PI4KA: variants seen among roughly 807,000 people sequenced by gnomAD.
PI4KA encodes PI4-kinase alpha.
In PI4KA, 122 loss-of-function variants were observed where a neutral mutation model predicts 271.4. That is an observed-to-expected ratio of 0.45 (90% CI 0.39 to 0.52). The LOEUF (loss-of-function observed/expected upper bound fraction) is 0.52, where lower values mean the gene tolerates loss of function less well. Among genes scored for constraint, PI4KA ranks in the 20% least tolerant of loss-of-function variants. The pLI is 0.00. For synonymous variants in PI4KA, 1,041 were observed against 1,078.8 expected (o/e 0.96, Z 0.69); for missense variants, 1,969 against 2,769.1 (o/e 0.71, Z 6.48).
chr22:20,770,782 T>C (rs1175424862), intron 19 of PI4KA, among the ~76,000 whole-genome samples: 1 of 152,114 alleles, frequency 6.6e-6, no homozygotes, highest in Non-Finnish European at 1.5e-5. Flanking sequence ...GAAAAAGTTT[T>C]CCAAACTTTA....
chr22:20,839,284 GT>G (rs960756209), intron 1 of PI4KA, among the ~76,000 whole-genome samples: 17 of 151,990 alleles, frequency 1.1e-4, no homozygotes, highest in Admixed American at 1.0e-3. Context: ...ATAAGTCATA[GT>G]TTTTTTTCAG....
intron 7 of PI4KA, among the ~76,000 whole-genome samples, chr22:20,815,005 T>A (rs1921587152): frequency 6.6e-6 from 1 of 151,846 alleles, no homozygotes; most frequent in Admixed American, 6.6e-5. Context: ...TAAATAAAAT[T>A]ATTTTAAATT....
rs1922517737 is a variant in PI4KA at position 20,820,574 on chromosome 22, A to G, written c.494T>C (p.Leu165Ser). ...AATCTCCAAGGCCTGGCACATCCCC[A>G]AGAGGACATGCAAAACCTGCAAAAG... is the stretch of plus-strand genomic sequence containing the variant. ...EVLLQVLHVL[L>S]GMCQALEIQD... The change falls in exon 5 of 55, where the codon TTG becomes TCG. Residue 165 changes from leucine (L) to serine (S), a missense_variant. Coordinates refer to ENST00000255882, the MANE Select transcript of PI4KA (RefSeq NM_058004.4). 1 of 1,612,354 alleles carries G rather than the reference A, an allele frequency of 6.2e-7. No individual in the cohort carries two copies. The highest frequency in any genetic ancestry group is 8.5e-7 in the Non-Finnish European group (1 of 1,178,742).
At chr22:20,786,886 A>T (rs141717277) in intron 19 of PI4KA, 4 of 1,614,178 alleles carry the variant, frequency 2.5e-6, no homozygotes, top group Non-Finnish European at 3.4e-6. Flanking sequence ...TCAAGCACCA[A>T]GGCACGATCA....
chr22:20,856,437 CTT>C (rs362093), intron 1 of PI4KA, among the ~76,000 whole-genome samples: 569 of 136,864 alleles, frequency 4.2e-3, no homozygotes, highest in African/African-American at 0.011. Context: ...TAATCTTTTT[CTT>C]TTTTTTTTTT....
At chr22:20,716,056 G>T (rs1005816548) in intron 45 of PI4KA, among the ~76,000 whole-genome samples, 17 of 145,608 alleles carry the variant, frequency 1.2e-4, no homozygotes, top group Non-Finnish European at 2.1e-4. Flanking sequence ...TGCCTGGTTA[G>T]TTTTTTTTTT....
At chr22:20,760,940 A>G (rs1478499429) in intron 23 of PI4KA, among the ~76,000 whole-genome samples, 10 of 152,196 alleles carry the variant, frequency 6.6e-5, no homozygotes. Flanking sequence ...TTGGGACTAC[A>G]GGCACAAACT....
At chr22:20,711,660 C>T (rs1411281063) in intron 50 of PI4KA, among the ~76,000 whole-genome samples, 199 bp from the exon 51 acceptor site, 1 of 152,186 alleles carries the variant, frequency 6.6e-6, no homozygotes, top group African/African-American at 2.4e-5. Flanking sequence ...CGTGCAGGCA[C>T]TTCCTCCCAC....
rs189388424 is a variant in PI4KA, at chr22:20,749,862, T to C, written c.3243+43A>G. The C allele has an allele frequency of 8.3e-3, 10,288 of 1,239,898 alleles. 62 individuals carry two copies. The highest frequency in any genetic ancestry group is 0.01 in the Non-Finnish European group (8,782 of 839,534). 76.8% of individuals were successfully genotyped at this position (1,239,898 alleles called of 1,614,324 possible). ...GTCTCTGTAAAGCTTTTTTGGGAGT[T>C]TGAAGGAGCTTATGGCAATTGCCTT... On this transcript the variant is annotated intron_variant, in intron 28 of 54. Transcript: ENST00000255882.
At position 20,845,980 on chromosome 22, in the gene PI4KA, G is replaced by A. The variant is rs117055879; in HGVS notation, c.157-7249C>T. On this transcript the variant is annotated intron_variant, in intron 1 of 54. Transcript: ENST00000255882. ...CAAGATTAAGATACGAAAATCAGCC[G>A]GGCGCTGTGGCTCACGCCTGTAATC... Among the ~76,000 whole-genome samples the A allele has an allele frequency of 1.6e-3, 241 of 152,246 alleles. 1 individual carries two copies. The highest frequency in any genetic ancestry group is 0.015 in the East Asian group (76 of 5,182).
chr22:20,785,464 T>C (rs1934145317), intron 19 of PI4KA, among the ~76,000 whole-genome samples: 2 of 152,180 alleles, frequency 1.3e-5, no homozygotes, highest in South Asian at 4.1e-4. Flanking sequence ...CCAGCTGGGA[T>C]TGCACCTTAA....
chr22:20,807,534 C>A, intron 9 of PI4KA, 76 bp from the exon 10 acceptor site: 1 of 790,644 alleles, frequency 1.3e-6, no homozygotes. Flanking sequence ...ACAGCAAGGC[C>A]CAGCGGAATG....
In PI4KA at chr22:20,809,295, G is replaced by C. The variant is rs915591515; in HGVS notation, c.1071+1672C>G. Among the ~76,000 whole-genome samples, 3 of 152,046 alleles carry C rather than the reference G, an allele frequency of 2.0e-5. No homozygotes were observed. The East Asian group carries it at 5.8e-4, about 29-fold the overall frequency. On this transcript the variant is annotated intron_variant, in intron 9 of 54. Coordinates refer to ENST00000255882, the MANE Select transcript of PI4KA (RefSeq NM_058004.4). The stretch of plus-strand genomic sequence containing the variant: ...CTCAGTTTCCCCATATGTAAACTGG[G>C]GATTGTTGTGAGATTCAAGGAGTGA...
intron 1 of PI4KA, among the ~76,000 whole-genome samples, chr22:20,848,090 T>C (rs1926494087): frequency 6.6e-6 from 1 of 151,826 alleles, no homozygotes; most frequent in Non-Finnish European, 1.5e-5. Flanking sequence ...ATACAAAAAT[T>C]AGCCGGGCAT....
chr22:20,812,573 G>T (rs931354187), intron 8 of PI4KA, among the ~76,000 whole-genome samples: 4 of 151,920 alleles, frequency 2.6e-5, no homozygotes, highest in African/African-American at 9.7e-5. Flanking sequence ...AATTTTTTTT[G>T]AGATGGAGTC....
chr22:20,796,195 TC>T lies in PI4KA; in HGVS notation c.2227del (p.Glu743ArgfsTer16). ...TGCCCTCTCGCTGGCTCGCTTCCCCTCCAGCCCCAGCTGCACAAACAACTCC... is the reference window on the plus strand; with the variant it reads ...TGCCCTCTCGCTGGCTCGCTTCCCCTCAGCCCCAGCTGCACAAACAACTCC... ...LLELFVQLGLEGKRASERASE... is the reference protein window; with the variant it reads ...LLELFVQLGLXGKRASERASE... On this transcript the variant is annotated frameshift_variant, in exon 18 of 55. Transcript: ENST00000255882. LOFTEE classifies it high-confidence loss of function. 6.2e-7 allele frequency: 1 copy of T among 1,613,952 alleles called. No homozygotes were observed. The highest frequency in any genetic ancestry group is 1.3e-5 in the African/African-American group (1 of 75,004).
intron 11 of PI4KA, among the ~76,000 whole-genome samples, 153 bp from the exon 12 acceptor site, chr22:20,804,553 ACT>A (rs1224916471): frequency 5.3e-5 from 8 of 151,508 alleles, no homozygotes; most frequent in African/African-American, 1.9e-4. Flanking sequence ...AGTGTGTGAC[ACT>A]CTCTCTCTCT....
At chr22:20,817,867 G>C (rs755752169) in intron 7 of PI4KA, among the ~76,000 whole-genome samples, 1 of 147,222 alleles carries the variant, frequency 6.8e-6, no homozygotes, top group Non-Finnish European at 1.5e-5. Flanking sequence ...GCTCATGCAT[G>C]TAATCCTAGC....
intron 28 of PI4KA, among the ~76,000 whole-genome samples, chr22:20,749,502 A>G (rs1434771195): frequency 6.6e-6 from 1 of 152,242 alleles, no homozygotes; most frequent in Non-Finnish European, 1.5e-5. Context: ...CAAGTCCCCA[A>G]CTCTGCCTCT....
Sources: gnomAD v4.1 joint callset for allele counts (sites outside exome capture counted in the v4.1 genomes callset) on GRCh38, gnomAD v4.1.1 for gene constraint, MANE v1.5 for transcripts, NCBI Gene and HGNC (gene_info 2026-07-23, HGNC 2026-07-21) for gene names.